The following SPIRE1 variants were observed in gnomAD, a reference collection of about 807,000 sequenced individuals.
SPIRE1 encodes the protein protein spire homolog 1.
A neutral mutation model predicts 94.1 loss-of-function variants in SPIRE1; 40 were observed. That is an observed-to-expected ratio of 0.43 (90% CI 0.33 to 0.55). The LOEUF (loss-of-function observed/expected upper bound fraction) is 0.55. SPIRE1 is among the 20% of genes least tolerant of loss of function. The probability of loss-of-function intolerance (pLI) is 0.06; values close to 1 mark genes in which losing one functional copy is unlikely to be tolerated. For missense variants in SPIRE1, 838 were observed against 975.2 expected, an observed-to-expected ratio of 0.86 and a Z score of 1.87; for synonymous variants, 376 against 371.7, an observed-to-expected ratio of 1.01 and a Z score of -0.13.
At chr18:12,615,048 G>A (rs927993478) in intron 2 of SPIRE1, among the ~76,000 whole-genome samples, 37 of 151,402 alleles carry the variant, frequency 2.4e-4, no homozygotes, top group African/African-American at 7.8e-4. Context: ...AAATTGGCTC[G>A]GAGCGGTAGG....
chr18:12,581,297 T>C (rs2144534391), intron 2 of SPIRE1, among the ~76,000 whole-genome samples: 1 of 152,298 alleles, frequency 6.6e-6, no homozygotes, highest in African/African-American at 2.4e-5. Context: ...AAAATATTAT[T>C]ACTATAGGAC....
chr18:12,552,905 G>C (rs1255751200), intron 2 of SPIRE1, among the ~76,000 whole-genome samples: 1 of 152,066 alleles, frequency 6.6e-6, no homozygotes, highest in Non-Finnish European at 1.5e-5. Flanking sequence ...CCTGCTACAA[G>C]AACACCAGGC....
intron 12 of SPIRE1, among the ~76,000 whole-genome samples, chr18:12,456,864 G>A (rs977830191): frequency 2.0e-5 from 3 of 152,188 alleles, no homozygotes; most frequent in Non-Finnish European, 2.9e-5. Context: ...TTGAGACAAG[G>A]TCTCGCTCTG....
At chr18:12,617,803 G>A (rs192015786) in intron 2 of SPIRE1, among the ~76,000 whole-genome samples, 77 of 152,098 alleles carry the variant, frequency 5.1e-4, no homozygotes, top group African/African-American at 1.9e-3. Context: ...TGATCCACCA[G>A]CCTCAGCCTC....
intron 1 of SPIRE1, 65 bp downstream of exon 1, chr18:12,657,465 A>C: frequency 8.5e-7 from 1 of 1,172,640 alleles, no homozygotes; most frequent in Non-Finnish European, 1.1e-6. Flanking sequence ...GGGGACGCTG[A>C]GGGTAAGGCG....
chr18:12,490,579 G>A (rs1341760674), intron 8 of SPIRE1, among the ~76,000 whole-genome samples: 1 of 152,038 alleles, frequency 6.6e-6, no homozygotes, highest in Non-Finnish European at 1.5e-5. Context: ...ACAATAAAAG[G>A]ATCATACATC....
intron 6 of SPIRE1, among the ~76,000 whole-genome samples, chr18:12,501,931 C>A (rs889976693): frequency 4.6e-5 from 7 of 152,200 alleles, no homozygotes; most frequent in African/African-American, 1.7e-4. Context: ...CACTGCACTC[C>A]AGCCCAGGCG....
chr18:12,553,641 A>AC, intron 2 of SPIRE1, among the ~76,000 whole-genome samples: 1 of 152,162 alleles, frequency 6.6e-6, no homozygotes, highest in South Asian at 2.1e-4. Context: ...GCATCTCTAG[A>AC]CCTACCCCGG....
At chr18:12,523,834 C>A (rs2034429356) in intron 4 of SPIRE1, among the ~76,000 whole-genome samples, 1 of 152,148 alleles carries the variant, frequency 6.6e-6, no homozygotes, top group Non-Finnish European at 1.5e-5. Context: ...CAGGCATGAG[C>A]CACCATGCCA....
At chr18:12,555,803 C>T (rs11080582) in intron 2 of SPIRE1, among the ~76,000 whole-genome samples, 61,020 of 152,012 alleles carry the variant, frequency 0.4, 14,366 homozygotes, top group East Asian at 0.59. Context: ...CAACACAGTA[C>T]TGGAAGTCCT....
intron 2 of SPIRE1, among the ~76,000 whole-genome samples, chr18:12,626,387 G>GA (rs971016931): frequency 2.6e-5 from 4 of 152,086 alleles, no homozygotes; most frequent in Non-Finnish European, 5.9e-5. Flanking sequence ...AACAATTCTT[G>GA]AATCATTTTG....
At position 12,571,591 on chromosome 18, in the gene SPIRE1, T is replaced by A. The variant is rs911695064; in HGVS notation, c.373-24687A>T. 5.3e-5 allele frequency among the ~76,000 whole-genome samples: 8 copies of A among 152,338 alleles called. No individual in the cohort carries two copies. The South Asian group carries it at 1.7e-3, about 32-fold the overall frequency. On this transcript the variant is annotated intron_variant, in intron 2 of 16. Coordinates refer to ENST00000409402, the MANE Select transcript of SPIRE1 (RefSeq NM_001128626.2). ...TGACACTGATTGCAACCTAACTTCA[T>A]AAAATGATCTCACATTTTTCCACTG...
chr18:12,574,217 A>T (rs963104390), intron 2 of SPIRE1, among the ~76,000 whole-genome samples: 4 of 152,188 alleles, frequency 2.6e-5, no homozygotes, highest in Non-Finnish European at 5.9e-5. Context: ...GTAAACCTAA[A>T]ACTGCTCTAA....
At chr18:12,508,675 GTT>G (rs1214659836) in intron 5 of SPIRE1, among the ~76,000 whole-genome samples, 3 of 139,754 alleles carry the variant, frequency 2.1e-5, no homozygotes, top group Non-Finnish European at 3.2e-5. Flanking sequence ...AACACACTTG[GTT>G]TTTTTTTTTT....
chr18:12,519,673 C>A (rs942209856), intron 4 of SPIRE1, among the ~76,000 whole-genome samples: 2 of 152,080 alleles, frequency 1.3e-5, no homozygotes, highest in Non-Finnish European at 2.9e-5. Flanking sequence ...AGGAAATGAA[C>A]AAGCAATTGA....
intron 2 of SPIRE1, among the ~76,000 whole-genome samples, chr18:12,630,892 T>C (rs777734082): frequency 4.6e-5 from 7 of 152,234 alleles, no homozygotes. Context: ...ATGGCAGAAA[T>C]AGAAAAACAA....
intron 2 of SPIRE1, among the ~76,000 whole-genome samples, chr18:12,619,622 G>A (rs1266752396): frequency 1.3e-5 from 2 of 152,090 alleles, no homozygotes; most frequent in Admixed American, 1.3e-4. Context: ...GCCGAGGTGG[G>A]TGATCAGGAG....
intron 1 of SPIRE1, among the ~76,000 whole-genome samples, chr18:12,640,477 C>G (rs891379575): frequency 3.9e-5 from 6 of 152,186 alleles, no homozygotes; most frequent in African/African-American, 1.2e-4. Flanking sequence ...TACTCATAAG[C>G]ACTGATGACA....
intron 12 of SPIRE1, among the ~76,000 whole-genome samples, chr18:12,459,111 A>G (rs911212768): frequency 2.6e-5 from 4 of 152,238 alleles, no homozygotes; most frequent in Non-Finnish European, 4.4e-5. Flanking sequence ...GTGAAGGTTC[A>G]AATAATGATA....
Sources: gnomAD v4.1 joint callset for allele counts (sites outside exome capture counted in the v4.1 genomes callset) on GRCh38, gnomAD v4.1.1 for gene constraint, MANE v1.5 for transcripts, NCBI Gene and HGNC (gene_info 2026-07-23, HGNC 2026-07-21) for gene names.